The following MTMR10 variants were observed in gnomAD, a reference collection of about 807,000 sequenced individuals.
MTMR10 encodes the protein myotubularin related protein 10, also known as myotubularin-related protein 10.
In MTMR10, 56 loss-of-function variants were observed where a neutral mutation model predicts 88.1. The ratio of observed to expected loss-of-function variants is 0.64; its 90% CI spans 0.51 to 0.79. MTMR10 has a LOEUF of 0.79. Ranked by LOEUF, MTMR10 falls within the 30% of genes least tolerant of loss-of-function variation. The pLI is 0.00. For synonymous variants in MTMR10, 380 were observed against 340.9 expected (o/e 1.11, Z -1.26); for missense variants, 883 against 924.7 (o/e 0.95, Z 0.58).
the MTMR10 span, among the ~76,000 whole-genome samples, chr15:30,929,691 T>A: frequency 9.3e-6 from 1 of 107,510 alleles, no homozygotes; most frequent in South Asian, 2.5e-4. Flanking sequence ...ATAATATATA[T>A]AAAATATATA....
chr15:30,968,128 C>A, intron 5 of MTMR10, 118 bp from the exon 6 acceptor site: 1 of 666,020 alleles, frequency 1.5e-6, no homozygotes, highest in Non-Finnish European at 2.4e-6. Flanking sequence ...ATACTATTTA[C>A]ATGTTTTTCT....
rs1413358557 is a variant in MTMR10 at position 30,942,959 on chromosome 15, G to A, written c.1662C>T (p.Asn554=). Residue 554 remains asparagine, a synonymous_variant, in exon 15 of 16, where the codon AAC becomes AAT. Transcript: ENST00000435680. ...FTAKDRTLFH[N]PFYIGKSTPC... is the part of the protein sequence containing the mutation. ...GTGTGCTCTTTCCAATGTAGAAGGG[G>A]TTATGGAAAAGGGTGCGATCCTTTG... 1 of 1,561,512 alleles carries A rather than the reference G, an allele frequency of 6.4e-7. No homozygotes were observed. The highest frequency in any genetic ancestry group is 2.3e-5 in the East Asian group (1 of 42,596).
chr15:30,959,331 T>TC (rs1226856450), intron 7 of MTMR10, among the ~76,000 whole-genome samples: 1 of 152,206 alleles, frequency 6.6e-6, no homozygotes, highest in African/African-American at 2.4e-5. Flanking sequence ...AAAATCTAAA[T>TC]TTATAGCATG....
In MTMR10 at chr15:30,947,241, T is replaced by G; in HGVS notation, c.1437A>C (p.Ala479=). The change falls in exon 14 of 16, where the codon GCA becomes GCC. Residue 479 remains alanine, a synonymous_variant. Transcript: ENST00000435680. ...GGTAGGTTTCGGAGAACTCAAAAGCTGCAGGATATTGTTCTAACAGCTGCC... is the reference window on the plus strand; with the variant it reads ...GGTAGGTTTCGGAGAACTCAAAAGCGGCAGGATATTGTTCTAACAGCTGCC... ...ATWQLLEQYP[A]AFEFSETYLA... 3 of 1,613,948 alleles carry G rather than the reference T, an allele frequency of 1.9e-6. No individual in the cohort carries two copies. Among genetic ancestry groups the G allele is most frequent in the Non-Finnish European group, 2.5e-6 (3 of 1,179,876 alleles).
At chr15:30,946,798 G>T in intron 14 of MTMR10, 1 of 698,012 alleles carries the variant, frequency 1.4e-6, no homozygotes, top group Non-Finnish European at 2.6e-6. Context: ...TAAATGTCGT[G>T]TAACAGGGCT....
rs549558595 is a variant in MTMR10, at chr15:30,940,248, G to A, written c.*1222C>T. 1.1e-5 allele frequency: 11 copies of A among 984,540 alleles called. No homozygotes were observed. Among genetic ancestry groups the A allele is most frequent in the South Asian group, 4.7e-5 (1 of 21,226 alleles). 61.0% of individuals were successfully genotyped at this position (984,540 alleles called of 1,614,324 possible). A position where few individuals can be genotyped will look rare whatever the true frequency, so the allele number is the denominator to read the frequency against. ...TCAGCTTTGACCGCTACAGTGGTAG[G>A]TAGGCTCTTGTCACACAGTTTGGAA... On this transcript the variant is annotated 3_prime_UTR_variant, in exon 16 of 16. Transcript: ENST00000435680.
In MTMR10 at chr15:30,940,956, C is replaced by T; in HGVS notation, c.*514G>A. On this transcript the variant is annotated 3_prime_UTR_variant, in exon 16 of 16. Transcript: ENST00000435680. The stretch of plus-strand genomic sequence containing the variant: ...GATCTAAGGTTCCAAAGAAGGTGAT[C>T]TAAAATCATAAATTCTGGCCCCAGA... 1.8e-6 allele frequency: 2 copies of T among 1,093,012 alleles called. No homozygotes were observed. Among genetic ancestry groups the T allele is most frequent in the Non-Finnish European group, 2.2e-6 (2 of 892,634 alleles). 67.7% of individuals were successfully genotyped at this position (1,093,012 alleles called of 1,614,324 possible).
chr15:30,976,362 T>C (rs1035116093), intron 3 of MTMR10, among the ~76,000 whole-genome samples: 1 of 152,022 alleles, frequency 6.6e-6, no homozygotes, highest in Non-Finnish European at 1.5e-5. Context: ...GCCGACATCA[T>C]GCCACTGCAC....
chr15:30,937,211 C>T (rs2062879606), downstream of MTMR10: 1 of 1,613,994 alleles, frequency 6.2e-7, no homozygotes. Flanking sequence ...AAGTAGAAGT[C>T]TGCCATGTGG....
chr15:30,987,807 C>T (rs565002867), intron 2 of MTMR10, among the ~76,000 whole-genome samples: 3 of 151,814 alleles, frequency 2.0e-5, no homozygotes, highest in African/African-American at 4.8e-5. Context: ...GGGATGACGC[C>T]GGGAATTTCA....
At chr15:30,938,837 AG>A (rs1273364935), downstream of MTMR10, 1 of 897,598 alleles carries the variant, frequency 1.1e-6, no homozygotes, top group Non-Finnish European at 1.3e-6. Context: ...GAGGGCAAGC[AG>A]AAACATCCCA....
intron 14 of MTMR10, among the ~76,000 whole-genome samples, chr15:30,945,417 G>A (rs910442290): frequency 1.3e-5 from 2 of 152,162 alleles, no homozygotes; most frequent in African/African-American, 4.8e-5. Flanking sequence ...CGCACACACA[G>A]CATCAGCCAA....
chr15:30,927,218 C>CAA, the MTMR10 span: 1 of 848,980 alleles, frequency 1.2e-6, no homozygotes, highest in Non-Finnish European at 1.4e-6. Context: ...CAAAACAAAA[C>CAA]AAACAAAGGA....
At chr15:30,974,252 C>T (rs546578660) in intron 5 of MTMR10, 62 bp downstream of exon 5, 35 of 1,312,620 alleles carry the variant, frequency 2.7e-5, no homozygotes, top group Middle Eastern at 2.0e-4. Flanking sequence ...AACTGCCATA[C>T]GGAATTGAAA....
At chr15:30,987,764 C>T (rs1477615655) in intron 2 of MTMR10, among the ~76,000 whole-genome samples, 4 of 151,676 alleles carry the variant, frequency 2.6e-5, no homozygotes, top group Admixed American at 2.0e-4. Context: ...ACGTGCCATG[C>T]TGGTTTGCTG....
At chr15:30,966,012 T>C in intron 6 of MTMR10, 1 of 455,334 alleles carries the variant, frequency 2.2e-6, no homozygotes, top group Non-Finnish European at 4.4e-6. Context: ...CAGGCTCCTT[T>C]TGATCTTAAA....
At chr15:30,983,324 T>C (rs2030719490) in intron 2 of MTMR10, among the ~76,000 whole-genome samples, 1 of 152,200 alleles carries the variant, frequency 6.6e-6, no homozygotes, top group African/African-American at 2.4e-5. Flanking sequence ...CAAAGGTTTC[T>C]ACTAACACCT....
chr15:30,948,626 A>G (rs2063203588), intron 12 of MTMR10, 155 bp from the exon 13 acceptor site: 2 of 685,622 alleles, frequency 2.9e-6, no homozygotes, highest in Non-Finnish European at 4.8e-6. Context: ...CAACTCTAAA[A>G]TATTACAGAC....
chr15:30,945,313 G>A (rs1298325383), intron 14 of MTMR10, among the ~76,000 whole-genome samples: 1 of 152,170 alleles, frequency 6.6e-6, no homozygotes, highest in Non-Finnish European at 1.5e-5. Flanking sequence ...ACTAGAACAT[G>A]AACAGGGAAA....
Sources: gnomAD v4.1 joint callset for allele counts (sites outside exome capture counted in the v4.1 genomes callset) on GRCh38, gnomAD v4.1.1 for gene constraint, MANE v1.5 for transcripts, NCBI Gene and HGNC (gene_info 2026-07-23, HGNC 2026-07-21) for gene names.